SLC35G2: variants seen among roughly 807,000 people sequenced by gnomAD.
SLC35G2 encodes the protein transmembrane protein 22.
Under a neutral mutation model 27.2 loss-of-function variants are expected in SLC35G2, and 20 were observed. That is an observed-to-expected ratio of 0.74 (90% CI 0.52 to 1.07). SLC35G2 has a LOEUF of 1.07. SLC35G2 is among the 50% of genes least tolerant of loss of function. The probability of loss-of-function intolerance (pLI) is 0.00; values close to 1 mark genes in which losing one functional copy is unlikely to be tolerated. For missense variants in SLC35G2, 416 were observed against 493.3 expected, an observed-to-expected ratio of 0.84 and a Z score of 1.48; for synonymous variants, 148 against 165.3, an observed-to-expected ratio of 0.90 and a Z score of 0.80.
intron 1 of SLC35G2, among the ~76,000 whole-genome samples, chr3:136,829,949 C>T (rs1053360863): frequency 2.0e-5 from 3 of 151,788 alleles, no homozygotes; most frequent in Non-Finnish European, 4.4e-5. Flanking sequence ...TGTACTTGAA[C>T]GTTGATCTCT....
At chr3:136,833,045 G>T (rs1463046660) in intron 1 of SLC35G2, among the ~76,000 whole-genome samples, 1 of 147,958 alleles carries the variant, frequency 6.8e-6, no homozygotes, top group Non-Finnish European at 1.5e-5. Flanking sequence ...CTCCAGCCTG[G>T]GTGACAACAG....
At chr3:136,851,387 A>G (rs1937621742) in intron 1 of SLC35G2, among the ~76,000 whole-genome samples, 1 of 147,190 alleles carries the variant, frequency 6.8e-6, no homozygotes, top group African/African-American at 2.5e-5. Context: ...GTTCCCAGCT[A>G]CTCGGGAGGC....
At chr3:136,842,227 T>C (rs1292896493) in intron 1 of SLC35G2, 1 of 152,244 alleles carries the variant, frequency 6.6e-6, no homozygotes, top group Non-Finnish European at 1.5e-5. Flanking sequence ...CTTAATACCC[T>C]TACCCCATTC....
intron 1 of SLC35G2, among the ~76,000 whole-genome samples, chr3:136,849,871 G>A (rs952288993): frequency 6.6e-6 from 1 of 151,760 alleles, no homozygotes; most frequent in Non-Finnish European, 1.5e-5. Context: ...TCGGGAAGCC[G>A]CGGCGGGCGG....
intron 1 of SLC35G2, among the ~76,000 whole-genome samples, chr3:136,834,138 T>C (rs1242056101): frequency 1.3e-5 from 2 of 152,134 alleles, no homozygotes; most frequent in Non-Finnish European, 2.9e-5. Context: ...TAAAAAAATA[T>C]TACTAACATG....
chr3:136,832,335 T>C (rs1376195004), intron 1 of SLC35G2, among the ~76,000 whole-genome samples: 1 of 152,174 alleles, frequency 6.6e-6, no homozygotes, highest in African/African-American at 2.4e-5. Context: ...TCTAGAAGTT[T>C]CTCTTTTAGT....
chr3:136,833,936 T>C (rs954016729), intron 1 of SLC35G2, among the ~76,000 whole-genome samples: 1 of 151,872 alleles, frequency 6.6e-6, no homozygotes, highest in Admixed American at 6.6e-5. Flanking sequence ...TAATAAAGGT[T>C]AATCATATAC....
At chr3:136,827,584 T>C (rs536024139) in intron 1 of SLC35G2, among the ~76,000 whole-genome samples, 1 of 152,220 alleles carries the variant, frequency 6.6e-6, no homozygotes, top group African/African-American at 2.4e-5. Context: ...TTTTTTGATG[T>C]AGGCATTTAT....
chr3:136,833,481 C>G (rs942404588), intron 1 of SLC35G2, among the ~76,000 whole-genome samples: 8 of 152,052 alleles, frequency 5.3e-5, no homozygotes, highest in Non-Finnish European at 1.0e-4. Flanking sequence ...TTTTTGGCAC[C>G]AGGGACTGGT....
At chr3:136,851,596 G>A (rs1204456436) in intron 1 of SLC35G2, among the ~76,000 whole-genome samples, 3 of 150,230 alleles carry the variant, frequency 2.0e-5, no homozygotes, top group African/African-American at 7.3e-5. Flanking sequence ...TATGGAGAAT[G>A]AGGACAGGGA....
intron 1 of SLC35G2, among the ~76,000 whole-genome samples, chr3:136,829,683 C>T (rs971091106): frequency 1.4e-5 from 2 of 141,342 alleles, no homozygotes; most frequent in Admixed American, 7.6e-5. Context: ...TTTGCACCAG[C>T]TATACTACTC....
Position 136,834,719 on chromosome 3 carries a change from C to T in SLC35G2, c.-19+15091C>T, listed in dbSNP as rs76367546. Among the ~76,000 whole-genome samples, 135 of 152,312 alleles carry T rather than the reference C, an allele frequency of 8.9e-4. 1 individual carries two copies. Among genetic ancestry groups the T allele is most frequent in the Non-Finnish European group, 1.5e-3 (102 of 68,032 alleles). On this transcript the variant is annotated intron_variant, in intron 1 of 1. Transcript: ENST00000446465. ...TATATATATAGCATTTATTATGTGT[C>T]TAGCTCTGTTGTAAACATACCACAC...
intron 1 of SLC35G2, among the ~76,000 whole-genome samples, chr3:136,841,464 C>T (rs192376280): frequency 2.9e-4 from 44 of 152,246 alleles, no homozygotes; most frequent in African/African-American, 1.0e-3. Flanking sequence ...CATGGTGGCT[C>T]ATGCCTGTAA....
At chr3:136,838,525 T>C (rs1936962516) in intron 1 of SLC35G2, 1 of 152,024 alleles carries the variant, frequency 6.6e-6, no homozygotes, top group Non-Finnish European at 1.5e-5. Context: ...TTTTAGTGAG[T>C]GGTATCTATA....
chr3:136,823,740 C>T (rs1029490375), intron 1 of SLC35G2, among the ~76,000 whole-genome samples: 19 of 149,648 alleles, frequency 1.3e-4, no homozygotes, highest in East Asian at 2.0e-4. Context: ...GGATTACAGG[C>T]GCGCGCCACC....
In SLC35G2 at chr3:136,854,736, C is replaced by T. The variant is rs1937893101; in HGVS notation, c.276C>T (p.Ser92=). The change falls in exon 2 of 2, where the codon AGC becomes AGT. Residue 92 remains serine, a synonymous_variant. Coordinates refer to ENST00000446465, the MANE Select transcript of SLC35G2 (RefSeq NM_025246.3). ...PMINEIGQFQ[S]FAEKNIFQSR... Reference sequence around the variant, plus strand: ...TCAATGAGATTGGACAATTCCAGAGCTTTGCAGAAAAAAACATTTTTCAAT... The same window carrying T: ...TCAATGAGATTGGACAATTCCAGAGTTTTGCAGAAAAAAACATTTTTCAAT... 1 of 1,614,086 alleles carries T rather than the reference C, an allele frequency of 6.2e-7. No individual in the cohort carries two copies. Among genetic ancestry groups the T allele is most frequent in the Non-Finnish European group, 8.5e-7 (1 of 1,180,010 alleles).
chr3:136,842,200 C>G (rs1937129745), intron 1 of SLC35G2: 1 of 152,118 alleles, frequency 6.6e-6, no homozygotes, highest in African/African-American at 2.4e-5. Flanking sequence ...ATTTTTTTAT[C>G]TCTTATATTT....
intron 1 of SLC35G2, among the ~76,000 whole-genome samples, chr3:136,836,910 T>C (rs1266547827): frequency 6.6e-6 from 1 of 152,234 alleles, no homozygotes; most frequent in Non-Finnish European, 1.5e-5. Context: ...GTCTTCTCTT[T>C]TAGTGCTGAC....
chr3:136,830,575 G>A (rs918768838), intron 1 of SLC35G2, among the ~76,000 whole-genome samples: 2 of 151,962 alleles, frequency 1.3e-5, no homozygotes, highest in Non-Finnish European at 2.9e-5. Context: ...GAGCCACCGC[G>A]CCTGGCCTAC....
Sources: gnomAD v4.1 joint callset for allele counts (sites outside exome capture counted in the v4.1 genomes callset) on GRCh38, gnomAD v4.1.1 for gene constraint, MANE v1.5 for transcripts, NCBI Gene and HGNC (gene_info 2026-07-23, HGNC 2026-07-21) for gene names.